CCDC28A: variants seen among roughly 807,000 people sequenced by gnomAD.
CCDC28A encodes the protein coiled-coil domain containing 28A.
A neutral mutation model predicts 22.1 loss-of-function variants in CCDC28A; 24 were observed. The observed-to-expected ratio is 1.09, with a 90% CI of 0.79 to 1.53. The LOEUF is 1.53. Ranked by LOEUF, CCDC28A falls within the 40% of genes most tolerant of loss-of-function variation. The probability of loss-of-function intolerance (pLI) is 0.00; values close to 1 mark genes in which losing one functional copy is unlikely to be tolerated. For missense variants in CCDC28A, 170 were observed against 210.7 expected, an observed-to-expected ratio of 0.81 and a Z score of 1.20; for synonymous variants, 83 against 74.7, an observed-to-expected ratio of 1.11 and a Z score of -0.57.
intron 3 of CCDC28A, among the ~76,000 whole-genome samples, chr6:138,784,357 T>TTTC (rs1554265105): frequency 6.7e-6 from 1 of 150,346 alleles, no homozygotes; most frequent in Non-Finnish European, 1.5e-5. Context: ...CTTTTTCTTT[T>TTTC]TTTTTTTTTT....
At chr6:138,791,258 G>T (rs561511320) in intron 5 of CCDC28A, among the ~76,000 whole-genome samples, 266 of 147,574 alleles carry the variant, frequency 1.8e-3, no homozygotes, top group Admixed American at 0.014. Context: ...TTTTTTTTTT[G>T]TTTTTAGATA....
intron 3 of CCDC28A, among the ~76,000 whole-genome samples, chr6:138,781,588 G>A (rs972247360): frequency 2.6e-5 from 4 of 152,098 alleles, no homozygotes; most frequent in African/African-American, 4.8e-5. Flanking sequence ...GGTATTATTC[G>A]TCTTTTAATT....
chr6:138,778,175 C>CAT (rs1191704125), intron 2 of CCDC28A, among the ~76,000 whole-genome samples: 3 of 152,126 alleles, frequency 2.0e-5, no homozygotes, highest in Non-Finnish European at 4.4e-5. Context: ...TTTCCCTGGG[C>CAT]ATATATATAC....
In CCDC28A at chr6:138,773,773, A is replaced by G. The variant is rs748306634; in HGVS notation, c.-172A>G. 6.2e-5 allele frequency: 100 copies of G among 1,612,790 alleles called. No individual in the cohort carries two copies. The South Asian group carries it at 6.5e-4, about 10-fold the overall frequency. On this transcript the variant is annotated 5_prime_UTR_variant, in exon 1 of 6. Coordinates refer to ENST00000617445, the MANE Select transcript of CCDC28A (RefSeq NM_015439.3). ...TGTACCTCTTACGTCACTTCCGTAA[A>G]CAAACGGAGCTGCGGAGGAGCGGGT...
intron 3 of CCDC28A, among the ~76,000 whole-genome samples, chr6:138,780,984 C>T (rs1775013006): frequency 6.6e-6 from 1 of 152,162 alleles, no homozygotes; most frequent in African/African-American, 2.4e-5. Context: ...GCATAAATGT[C>T]CACATACATA....
At chr6:138,784,695 T>C (rs756226062) in intron 3 of CCDC28A, among the ~76,000 whole-genome samples, 3 of 149,908 alleles carry the variant, frequency 2.0e-5, no homozygotes, top group Non-Finnish European at 4.4e-5. Context: ...GTTTCCTATA[T>C]GCTCTTTTTT....
At chr6:138,787,049 C>T (rs1775105543) in intron 4 of CCDC28A, among the ~76,000 whole-genome samples, 2 of 152,188 alleles carry the variant, frequency 1.3e-5, no homozygotes, top group African/African-American at 2.4e-5. Flanking sequence ...TTTAGTTCAG[C>T]ATTTGCATTT....
In CCDC28A at chr6:138,776,408, T is replaced by A. The variant is rs1476900093; in HGVS notation, c.158+130T>A. The A allele has an allele frequency of 7.3e-6, 5 of 686,390 alleles. No individual in the cohort carries two copies. The African/African-American group carries it at 9.0e-5, about 12-fold the overall frequency. The allele number at this position is 686,390 out of a possible 1,614,324, so 42.5% of individuals were successfully genotyped here. A position where few individuals can be genotyped will look rare whatever the true frequency, so the allele number is the denominator to read the frequency against. On this transcript the variant is annotated intron_variant, in intron 2 of 5. Coordinates refer to ENST00000617445, the MANE Select transcript of CCDC28A (RefSeq NM_015439.3). ...AGTTGAGGCACCCATTATGCGTGAT[T>A]TAGAAGAAAAATTTATGAAAGTTAC...
intron 1 of CCDC28A, among the ~76,000 whole-genome samples, chr6:138,775,560 T>C (rs972554911): frequency 6.6e-6 from 1 of 152,260 alleles, no homozygotes; most frequent in Non-Finnish European, 1.5e-5. Context: ...GTAAGGCTTC[T>C]AGTTGATTTT....
chr6:138,788,286 T>C, intron 4 of CCDC28A, 80 bp from the exon 5 acceptor site: 1 of 525,638 alleles, frequency 1.9e-6, no homozygotes, highest in Non-Finnish European at 3.2e-6. Context: ...GAAAAATAAT[T>C]TATTTAAAAA....
chr6:138,791,029 A>T (rs950242663), intron 5 of CCDC28A, among the ~76,000 whole-genome samples: 1 of 152,208 alleles, frequency 6.6e-6, no homozygotes, highest in African/African-American at 2.4e-5. Context: ...TCCTTAAAAG[A>T]ACATAAAATA....
intron 4 of CCDC28A, among the ~76,000 whole-genome samples, chr6:138,787,957 CTTTTTT>C (rs397886393): frequency 2.3e-5 from 2 of 85,304 alleles, no homozygotes; most frequent in African/African-American, 9.3e-5. Context: ...TTACAGAAAG[CTTTTTT>C]TTTTTTTTTT....
intron 2 of CCDC28A, 99 bp downstream of exon 2, chr6:138,776,377 TA>T: frequency 1.0e-6 from 1 of 990,214 alleles, no homozygotes; most frequent in Non-Finnish European, 1.6e-6. Flanking sequence ...GCTTGACTTT[TA>T]AAACAGTTGA....
At chr6:138,792,173 A>G (rs1775179804) in intron 5 of CCDC28A, among the ~76,000 whole-genome samples, 1 of 152,204 alleles carries the variant, frequency 6.6e-6, no homozygotes, top group Non-Finnish European at 1.5e-5. Context: ...TTTTTAATCT[A>G]GTGTCTTGTC....
chr6:138,785,300 G>A lies in CCDC28A; in HGVS notation c.396G>A (p.Glu132=), dbSNP rs756605621. ...MQEKLARLNL[E]LYGELEELPE... ...AGAAATTAGCTCGCTTGAATTTGGA[G>A]CTCTATGGGGAGTTAGAGGAACTTC... Residue 132 remains glutamate (E), a synonymous_variant, in exon 4 of 6, where the codon GAG becomes GAA. Coordinates refer to ENST00000617445, the MANE Select transcript of CCDC28A (RefSeq NM_015439.3). The A allele has an allele frequency of 6.2e-7, 1 of 1,613,198 alleles. No homozygotes were observed. The highest frequency in any genetic ancestry group is 8.5e-7 in the Non-Finnish European group (1 of 1,179,236).
At chr6:138,776,904 A>G (rs900810160) in intron 2 of CCDC28A, among the ~76,000 whole-genome samples, 1 of 152,212 alleles carries the variant, frequency 6.6e-6, no homozygotes, top group Non-Finnish European at 1.5e-5. Flanking sequence ...GGAAAAATTC[A>G]AAGAAGAAAT....
intron 5 of CCDC28A, among the ~76,000 whole-genome samples, chr6:138,791,590 C>T (rs531414529): frequency 2.0e-5 from 3 of 152,212 alleles, no homozygotes; most frequent in Non-Finnish European, 4.4e-5. Context: ...TCCCCTCAGG[C>T]TGGTTTTCTG....
At chr6:138,789,596 G>A (rs145104869) in intron 5 of CCDC28A, among the ~76,000 whole-genome samples, 2,197 of 152,186 alleles carry the variant, frequency 0.014, 28 homozygotes, top group Non-Finnish European at 0.023. Context: ...AGGCTGAGGC[G>A]GGTGGATCAC....
intron 3 of CCDC28A, among the ~76,000 whole-genome samples, chr6:138,780,612 T>C (rs1165244452): frequency 6.7e-6 from 1 of 149,888 alleles, no homozygotes; most frequent in Non-Finnish European, 1.5e-5. Flanking sequence ...TCTGGCTCTG[T>C]CGCCCAGGCT....
Sources: allele counts gnomAD v4.1 joint callset (sites outside exome capture counted in the v4.1 genomes callset), GRCh38; gene constraint gnomAD v4.1.1; transcripts MANE v1.5; gene names NCBI Gene and HGNC (gene_info 2026-07-23, HGNC 2026-07-21).